The following PPP1R9A variants were observed in gnomAD, a reference collection of about 807,000 sequenced individuals.
PPP1R9A encodes the protein protein phosphatase 1 regulatory subunit 9A, also known as neurabin-1.
Under a neutral mutation model 141.9 loss-of-function variants are expected in PPP1R9A, and 59 were observed. That is an observed-to-expected ratio of 0.42 (90% CI 0.34 to 0.52). The LOEUF (loss-of-function observed/expected upper bound fraction) is 0.52. Among genes scored for constraint, PPP1R9A ranks in the 20% least tolerant of loss-of-function variants. The pLI is 0.10. For missense variants in PPP1R9A, 1,444 were observed against 1,611.9 expected (o/e 0.90, Z 1.78); for synonymous variants, 500 against 569.7 (o/e 0.88, Z 1.74).
intron 2 of PPP1R9A, among the ~76,000 whole-genome samples, chr7:95,045,436 T>C (rs1243989366): frequency 6.6e-6 from 1 of 152,208 alleles, no homozygotes; most frequent in Non-Finnish European, 1.5e-5. Flanking sequence ...AGTGGCCTGC[T>C]AACCCTTGGG....
At chr7:94,933,100 A>G (rs749085194) in intron 2 of PPP1R9A, among the ~76,000 whole-genome samples, 19 of 152,060 alleles carry the variant, frequency 1.2e-4, no homozygotes, top group Admixed American at 3.3e-4. Flanking sequence ...TACACAGCAT[A>G]TTTAGCGTCC....
chr7:94,992,909 T>A (rs930875692), intron 2 of PPP1R9A, among the ~76,000 whole-genome samples: 1 of 152,074 alleles, frequency 6.6e-6, no homozygotes, highest in Non-Finnish European at 1.5e-5. Context: ...CTTTAGCAAG[T>A]TTTTCTTTCA....
At chr7:95,100,857 T>A (rs1818677392) in intron 2 of PPP1R9A, among the ~76,000 whole-genome samples, 1 of 140,482 alleles carries the variant, frequency 7.1e-6, no homozygotes, top group African/African-American at 2.7e-5. Flanking sequence ...TTTTTTTTTT[T>A]TTTTTTTTTT....
intron 14 of PPP1R9A, among the ~76,000 whole-genome samples, chr7:95,269,847 G>A (rs541980992): frequency 1.4e-4 from 21 of 152,126 alleles, no homozygotes; most frequent in East Asian, 1.9e-4. Context: ...AATATAGAGC[G>A]ATTTTGTAGA....
At chr7:94,970,318 C>T (rs1798718880) in intron 2 of PPP1R9A, among the ~76,000 whole-genome samples, 1 of 152,166 alleles carries the variant, frequency 6.6e-6, no homozygotes, top group South Asian at 2.1e-4. Flanking sequence ...ATTGCAAAGA[C>T]CATGGGAAAA....
intron 2 of PPP1R9A, among the ~76,000 whole-genome samples, chr7:95,076,395 A>G (rs974838725): frequency 6.6e-5 from 10 of 151,504 alleles, no homozygotes; most frequent in African/African-American, 2.5e-4. Flanking sequence ...TCCTAATACC[A>G]TTTATTGTAT....
In PPP1R9A at chr7:95,215,721, A is replaced by G. The variant is rs544677540; in HGVS notation, c.1957-10240A>G. 3.3e-5 allele frequency among the ~76,000 whole-genome samples: 5 copies of G among 152,334 alleles called. No homozygotes were observed. The East Asian group carries it at 9.6e-4, about 29-fold the overall frequency. ...TTTGATTTGCATTTCTCTGATGGCCAGTGATGATGAGCATTTTTTCATATG... is the reference window on the plus strand; with the variant it reads ...TTTGATTTGCATTTCTCTGATGGCCGGTGATGATGAGCATTTTTTCATATG... On this transcript the variant is annotated intron_variant, in intron 7 of 19. Coordinates refer to ENST00000433360, the MANE Select transcript of PPP1R9A (RefSeq NM_001166160.2).
intron 2 of PPP1R9A, among the ~76,000 whole-genome samples, chr7:94,916,931 C>T (rs1477400265): frequency 6.6e-6 from 1 of 152,128 alleles, no homozygotes; most frequent in Non-Finnish European, 1.5e-5. Context: ...TCTCAGGCCT[C>T]AGCCCTCTGA....
At chr7:95,244,267 A>G (rs79201781) in intron 8 of PPP1R9A, among the ~76,000 whole-genome samples, 122 of 152,296 alleles carry the variant, frequency 8.0e-4, no homozygotes, top group African/African-American at 2.7e-3. Flanking sequence ...TGGAAAGGGT[A>G]GAATAGATCA....
At chr7:94,943,187 T>A (rs1016124066) in intron 2 of PPP1R9A, among the ~76,000 whole-genome samples, 2 of 152,224 alleles carry the variant, frequency 1.3e-5, no homozygotes, top group African/African-American at 4.8e-5. Context: ...TTCATAAGTA[T>A]TTTTATTTAT....
At chr7:95,049,373 A>G (rs1420189418) in intron 2 of PPP1R9A, among the ~76,000 whole-genome samples, 1 of 152,192 alleles carries the variant, frequency 6.6e-6, no homozygotes. Flanking sequence ...ACTTTTAAAA[A>G]TAGGCTTTAC....
At chr7:95,153,160 A>G (rs967622827) in intron 4 of PPP1R9A, among the ~76,000 whole-genome samples, 2 of 152,094 alleles carry the variant, frequency 1.3e-5, no homozygotes, top group East Asian at 3.8e-4. Flanking sequence ...CCTCACATAC[A>G]TTATATTTAT....
Position 95,072,594 on chromosome 7 carries a change from A to G in PPP1R9A, c.1396-38665A>G, listed in dbSNP as rs569857930. On this transcript the variant is annotated intron_variant, in intron 2 of 19. Transcript: ENST00000433360. Reference sequence around the variant, plus strand: ...TATCTCATTATAGGAAATTTTAAGTATATTAGTGATTTTTTAAAAAATGTA... The same window carrying G: ...TATCTCATTATAGGAAATTTTAAGTGTATTAGTGATTTTTTAAAAAATGTA... Among the ~76,000 whole-genome samples the G allele has an allele frequency of 2.2e-5, 3 of 133,762 alleles. No homozygotes were observed. The South Asian group carries it at 6.5e-4, about 29-fold the overall frequency. 87.8% of individuals were successfully genotyped at this position (133,762 alleles called of 152,430 possible).
chr7:95,190,272 A>T (rs559763666), intron 5 of PPP1R9A, among the ~76,000 whole-genome samples: 1 of 152,272 alleles, frequency 6.6e-6, no homozygotes, highest in East Asian at 1.9e-4. Context: ...TGCAAGCCAG[A>T]CTTCAGTGAC....
chr7:95,242,904 C>T (rs760733714), intron 8 of PPP1R9A, among the ~76,000 whole-genome samples: 2 of 152,120 alleles, frequency 1.3e-5, no homozygotes, highest in Non-Finnish European at 2.9e-5. Flanking sequence ...CCCTGTTAAC[C>T]TTCTATCCCT....
intron 2 of PPP1R9A, among the ~76,000 whole-genome samples, chr7:94,960,310 T>G (rs542167993): frequency 6.6e-6 from 1 of 151,702 alleles, no homozygotes; most frequent in South Asian, 2.1e-4. Context: ...TGATCCTAAG[T>G]AAAACTGATC....
chr7:95,268,424 T>G (rs912818324), intron 12 of PPP1R9A, 126 bp from the exon 13 acceptor site: 8 of 976,676 alleles, frequency 8.2e-6, no homozygotes, highest in Non-Finnish European at 1.1e-5. Flanking sequence ...GGTTACAGGC[T>G]GTCATGGTGG....
chr7:95,013,428 T>A (rs1440671714), intron 2 of PPP1R9A, among the ~76,000 whole-genome samples: 6 of 152,122 alleles, frequency 3.9e-5, no homozygotes, highest in Admixed American at 3.9e-4. Flanking sequence ...TATCATTTTT[T>A]ATTATATAGT....
intron 2 of PPP1R9A, among the ~76,000 whole-genome samples, chr7:94,990,846 C>A (rs571368362): frequency 6.6e-6 from 1 of 152,050 alleles, no homozygotes; most frequent in South Asian, 2.1e-4. Context: ...ATAATGTCCG[C>A]CAGTTCCATC....
Sources: allele counts gnomAD v4.1 joint callset (sites outside exome capture counted in the v4.1 genomes callset), GRCh38; gene constraint gnomAD v4.1.1; transcripts MANE v1.5; gene names NCBI Gene and HGNC (gene_info 2026-07-23, HGNC 2026-07-21).